CUX1: variants seen among roughly 807,000 people sequenced by gnomAD.
CUX1 encodes the protein protein CASP.
CUX1 carries 31 observed loss-of-function variants against 158.8 expected under a neutral mutation model. The ratio of observed to expected loss-of-function variants is 0.20; its 90% confidence interval spans 0.15 to 0.26. CUX1 has a LOEUF of 0.26. Among genes scored for constraint, CUX1 ranks in the 10% least tolerant of loss-of-function variants. CUX1 has a pLI of 1.00. For synonymous variants in CUX1, 879 were observed against 862.1 expected, an observed-to-expected ratio of 1.02 and a Z score of -0.34; for missense variants, 1,589 against 2,014.6, an observed-to-expected ratio of 0.79 and a Z score of 4.04.
At chr7:101,913,336 GTCTGCGGGC>G (rs750320099) in intron 1 of CUX1, 53 of 1,266,218 alleles carry the variant, frequency 4.2e-5, no homozygotes, top group Admixed American at 9.6e-5. Flanking sequence ...ACCTGCATAT[GTCTGCGGGC>G]ACGGGGAAGG....
At chr7:101,962,256 C>G (rs1384676801) in intron 2 of CUX1, among the ~76,000 whole-genome samples, 1 of 152,192 alleles carries the variant, frequency 6.6e-6, no homozygotes, top group African/African-American at 2.4e-5. Context: ...TTCATCTTGC[C>G]TTAATCACCG....
At chr7:102,002,773 C>T (rs897355616) in intron 2 of CUX1, among the ~76,000 whole-genome samples, 1 of 152,176 alleles carries the variant, frequency 6.6e-6, no homozygotes, top group Non-Finnish European at 1.5e-5. Flanking sequence ...CTGGGCCGCC[C>T]TGCCACCTCC....
chr7:101,947,822 A>G (rs757056349), intron 2 of CUX1, among the ~76,000 whole-genome samples: 2 of 152,230 alleles, frequency 1.3e-5, no homozygotes, highest in Non-Finnish European at 2.9e-5. Flanking sequence ...CAATGTGGAA[A>G]GGATGAAGAC....
At chr7:102,069,068 G>T (rs1423270540) in intron 3 of CUX1, among the ~76,000 whole-genome samples, 2 of 152,116 alleles carry the variant, frequency 1.3e-5, no homozygotes, top group Non-Finnish European at 2.9e-5. Context: ...TGGGCCTCAC[G>T]TCAACTGTGT....
chr7:102,231,287 C>T (rs1554530651), intron 21 of CUX1, among the ~76,000 whole-genome samples: 2 of 151,860 alleles, frequency 1.3e-5, no homozygotes, highest in Non-Finnish European at 2.9e-5. Context: ...GCCTCAACCT[C>T]CCAAAGTGCT....
intron 17 of CUX1, among the ~76,000 whole-genome samples, chr7:102,200,574 C>T (rs924671732): frequency 6.6e-6 from 1 of 152,088 alleles, no homozygotes. Context: ...CTCCTGACCT[C>T]CAGTGATCCT....
At chr7:102,124,685 A>G (rs930750099) in intron 8 of CUX1, among the ~76,000 whole-genome samples, 38 of 152,202 alleles carry the variant, frequency 2.5e-4, no homozygotes, top group African/African-American at 8.9e-4. Flanking sequence ...TGGTTAAATG[A>G]TACATATTTA....
At chr7:102,101,629 G>T (rs1434736628) in intron 5 of CUX1, among the ~76,000 whole-genome samples, 2 of 152,184 alleles carry the variant, frequency 1.3e-5, no homozygotes, top group African/African-American at 4.8e-5. Flanking sequence ...CAAAAATGAG[G>T]CCAGGCATGG....
At chr7:102,157,326 TAAAA>T (rs3216523) in intron 8 of CUX1, among the ~76,000 whole-genome samples, 2 of 145,082 alleles carry the variant, frequency 1.4e-5, no homozygotes, top group African/African-American at 5.0e-5. Flanking sequence ...TTGGGTATGC[TAAAA>T]AAAAAAACCT....
chr7:101,848,406 C>T (rs1046152006), intron 1 of CUX1, among the ~76,000 whole-genome samples: 3 of 152,122 alleles, frequency 2.0e-5, no homozygotes, highest in Non-Finnish European at 4.4e-5. Context: ...ACACTTGGCA[C>T]CTCTGTGGCT....
At chr7:102,105,912 A>G (rs1830295123) in intron 6 of CUX1, among the ~76,000 whole-genome samples, 1 of 151,952 alleles carries the variant, frequency 6.6e-6, no homozygotes, top group African/African-American at 2.4e-5. Context: ...AAAAAAAGAT[A>G]CTGAATTTTA....
intron 21 of CUX1, among the ~76,000 whole-genome samples, chr7:102,232,993 G>A (rs1440291411): frequency 1.3e-5 from 2 of 152,068 alleles, no homozygotes; most frequent in Non-Finnish European, 2.9e-5. Context: ...TTTTCTCAGC[G>A]AGACCTGATA....
rs890332940 is a variant in CUX1, at chr7:102,177,548, C to T, written c.829-921C>T. On this transcript the variant is annotated intron_variant, in intron 10 of 23. Transcript: ENST00000292535. ...AATCCCACCTTGTGGTGGAAAATCT[C>T]GGTGGTTTGGGAGCATTGGAGGGAG... Among the ~76,000 whole-genome samples, 12 of 152,050 alleles carry T rather than the reference C, an allele frequency of 7.9e-5. No homozygotes were observed. The East Asian group carries it at 9.6e-4, about 12-fold the overall frequency.
chr7:102,255,385 C>CAAA lies in CUX1; in HGVS notation c.*6354_*6356dup, dbSNP rs58082112. The CAAA allele has an allele frequency of 3.1e-4, 272 of 885,822 alleles. No individual in the cohort carries two copies. The highest frequency in any genetic ancestry group is 3.3e-4 in the Non-Finnish European group (249 of 747,738). 54.9% of individuals were successfully genotyped at this position (885,822 alleles called of 1,614,324 possible). On this transcript the variant is annotated 3_prime_UTR_variant, in exon 24 of 24. Coordinates refer to ENST00000292535, the MANE Select transcript of CUX1 (RefSeq NM_181552.4). The stretch of plus-strand genomic sequence containing the variant: ...GTTGGGCATTGTAGGCGAAAAATCC[C>CAAA]AAAAAAAAAAAAAGACAAAAAAAAA...
chr7:102,098,807 ATTTTTTTTT>A (rs112048598), intron 5 of CUX1, among the ~76,000 whole-genome samples: 13 of 67,998 alleles, frequency 1.9e-4, no homozygotes, highest in African/African-American at 4.9e-4. Flanking sequence ...CGCCCAACTA[ATTTTTTTTT>A]TTTTTTTTTT....
At chr7:102,140,735 C>T (rs998815173) in intron 8 of CUX1, among the ~76,000 whole-genome samples, 10 of 151,912 alleles carry the variant, frequency 6.6e-5, no homozygotes, top group African/African-American at 2.4e-4. Flanking sequence ...CGTGGTGGTG[C>T]ACGCCTGTAA....
intron 8 of CUX1, among the ~76,000 whole-genome samples, chr7:102,130,673 T>TC (rs535757637): frequency 6.2e-4 from 94 of 152,138 alleles, no homozygotes; most frequent in Admixed American, 1.1e-3. Flanking sequence ...AGAGCAAGAC[T>TC]CCATCTTATA....
chr7:101,867,421 G>C (rs1798046695), intron 1 of CUX1, among the ~76,000 whole-genome samples: 1 of 152,186 alleles, frequency 6.6e-6, no homozygotes, highest in African/African-American at 2.4e-5. Context: ...CTGCCACCCT[G>C]TTCTCACCTG....
At chr7:102,210,331 G>A (rs1334529164) in intron 20 of CUX1, among the ~76,000 whole-genome samples, 2 of 152,172 alleles carry the variant, frequency 1.3e-5, no homozygotes, top group Admixed American at 6.5e-5. Flanking sequence ...TCCTGACCTC[G>A]GGTGATCCTC....
Sources: allele counts gnomAD v4.1 joint callset (sites outside exome capture counted in the v4.1 genomes callset), GRCh38; gene constraint gnomAD v4.1.1; transcripts MANE v1.5; gene names NCBI Gene and HGNC (gene_info 2026-07-23, HGNC 2026-07-21).